Variants in ZNRF1 observed in about 807,000 individuals in gnomAD.
The protein encoded by ZNRF1 is E3 ubiquitin-protein ligase ZNRF1.
ZNRF1 carries 3 observed loss-of-function variants against 18.4 expected under a neutral mutation model. That is an observed-to-expected ratio of 0.16 (90% CI 0.07 to 0.42). The LOEUF (loss-of-function observed/expected upper bound fraction) is 0.42. Among genes scored for constraint, ZNRF1 ranks in the 10% least tolerant of loss-of-function variants. The probability of loss-of-function intolerance (pLI) is 0.99; values close to 1 mark genes in which losing one functional copy is unlikely to be tolerated. For synonymous variants in ZNRF1, 157 were observed against 144.2 expected, an observed-to-expected ratio of 1.09 and a Z score of -0.64; for missense variants, 310 against 329.8, an observed-to-expected ratio of 0.94 and a Z score of 0.47.
At chr16:75,080,210 C>G (rs2035992846) in intron 1 of ZNRF1, among the ~76,000 whole-genome samples, 1 of 152,242 alleles carries the variant, frequency 6.6e-6, no homozygotes, top group African/African-American at 2.4e-5. Flanking sequence ...GCCACCGTGC[C>G]TGGCTGAGCT....
chr16:75,058,394 A>G (rs2035695575), intron 1 of ZNRF1, among the ~76,000 whole-genome samples: 1 of 152,222 alleles, frequency 6.6e-6, no homozygotes, highest in Middle Eastern at 3.4e-3. Flanking sequence ...TGCAAGGAGC[A>G]CTCTAAGAAT....
chr16:75,032,467 C>T (rs9935832), intron 1 of ZNRF1, among the ~76,000 whole-genome samples: 48,776 of 151,880 alleles, frequency 0.32, 8,755 homozygotes, highest in East Asian at 0.62. Context: ...TATGCAAGTC[C>T]TTTGTCAATT....
chr16:75,101,356 C>G (rs1597911073), intron 2 of ZNRF1, among the ~76,000 whole-genome samples: 1 of 152,188 alleles, frequency 6.6e-6, no homozygotes, highest in East Asian at 1.9e-4. Flanking sequence ...GAGATCAAGA[C>G]CATCCTGGCT....
At chr16:75,017,610 C>G (rs138566759) in intron 1 of ZNRF1, among the ~76,000 whole-genome samples, 3 of 152,288 alleles carry the variant, frequency 2.0e-5, no homozygotes, top group East Asian at 3.9e-4. Context: ...GCCATGTGAT[C>G]TTAAAAGTGA....
intron 4 of ZNRF1, chr16:75,107,242 G>T: frequency 5.7e-6 from 1 of 174,844 alleles, no homozygotes; most frequent in Non-Finnish European, 1.2e-5. Flanking sequence ...ATCCACCCCT[G>T]ACCCCCATCT....
At chr16:75,078,597 C>T (rs2035972469) in intron 1 of ZNRF1, among the ~76,000 whole-genome samples, 1 of 152,186 alleles carries the variant, frequency 6.6e-6, no homozygotes, top group Admixed American at 6.5e-5. Context: ...CCACGCCTGG[C>T]CACACATTTC....
At chr16:75,025,696 C>T (rs2035213274) in intron 1 of ZNRF1, among the ~76,000 whole-genome samples, 1 of 152,226 alleles carries the variant, frequency 6.6e-6, no homozygotes, top group Non-Finnish European at 1.5e-5. Flanking sequence ...GCCCCACTTT[C>T]TCTTTCCCAG....
intron 1 of ZNRF1, among the ~76,000 whole-genome samples, chr16:75,062,720 G>A (rs934674979): frequency 6.6e-6 from 1 of 152,224 alleles, no homozygotes; most frequent in Non-Finnish European, 1.5e-5. Context: ...GGTGGGGCTG[G>A]TGCTTGCTAG....
intron 1 of ZNRF1, among the ~76,000 whole-genome samples, chr16:75,075,698 G>A (rs1052025434): frequency 6.6e-6 from 1 of 152,184 alleles, no homozygotes; most frequent in African/African-American, 2.4e-5. Flanking sequence ...GCCTTCAAGG[G>A]GCTTATACTG....
At chr16:75,011,883 G>A (rs1438180028) in intron 1 of ZNRF1, among the ~76,000 whole-genome samples, 1 of 152,144 alleles carries the variant, frequency 6.6e-6, no homozygotes, top group Non-Finnish European at 1.5e-5. Context: ...CTATGAAGTG[G>A]CAGACCTTTG....
chr16:75,102,021 C>T (rs537306424), intron 2 of ZNRF1, among the ~76,000 whole-genome samples: 1 of 152,172 alleles, frequency 6.6e-6, no homozygotes. Flanking sequence ...AGAAAATGAC[C>T]ACAAGTTGTC....
chr16:75,088,894 G>T (rs1158055274), intron 1 of ZNRF1, among the ~76,000 whole-genome samples: 2 of 152,204 alleles, frequency 1.3e-5, no homozygotes, highest in African/African-American at 4.8e-5. Context: ...TTGGTTTCCA[G>T]TTGGCAGTAT....
chr16:75,080,818 G>C (rs1174283585), intron 1 of ZNRF1, among the ~76,000 whole-genome samples: 1 of 152,104 alleles, frequency 6.6e-6, no homozygotes, highest in African/African-American at 2.4e-5. Flanking sequence ...AGGTTGCAAT[G>C]AGCCAAGATC....
At chr16:75,063,078 C>T (rs1425780580) in intron 1 of ZNRF1, among the ~76,000 whole-genome samples, 1 of 152,206 alleles carries the variant, frequency 6.6e-6, no homozygotes, top group Non-Finnish European at 1.5e-5. Flanking sequence ...AACTTAGAGG[C>T]ATAAGCCTCA....
At chr16:75,022,720 A>G (rs1445535133) in intron 1 of ZNRF1, among the ~76,000 whole-genome samples, 1 of 152,250 alleles carries the variant, frequency 6.6e-6, no homozygotes, top group Non-Finnish European at 1.5e-5. Context: ...GACTGCTGTC[A>G]TTGGAACATT....
intron 1 of ZNRF1, among the ~76,000 whole-genome samples, chr16:75,063,813 C>T (rs895917004): frequency 2.0e-5 from 3 of 152,086 alleles, no homozygotes; most frequent in African/African-American, 7.2e-5. Flanking sequence ...ACAGTGCAGT[C>T]GCTGCCTTTG....
At chr16:75,042,443 C>CTTTTTTTTT (rs56212046) in intron 1 of ZNRF1, among the ~76,000 whole-genome samples, 7 of 116,940 alleles carry the variant, frequency 6.0e-5, no homozygotes, top group African/African-American at 9.5e-5. Context: ...CTGTTTCTTT[C>CTTTTTTTTT]TTTTTTTTTT....
chr16:75,047,358 C>T (rs558330972), intron 1 of ZNRF1, among the ~76,000 whole-genome samples: 1 of 152,142 alleles, frequency 6.6e-6, no homozygotes, highest in East Asian at 1.9e-4. Flanking sequence ...TTTTTTGTAG[C>T]GATGGATTCT....
chr16:75,003,143 G>A (rs2034874767), intron 1 of ZNRF1, among the ~76,000 whole-genome samples: 1 of 152,278 alleles, frequency 6.6e-6, no homozygotes, highest in South Asian at 2.1e-4. Context: ...TTTGTTTTTT[G>A]TAGAGACGGG....
Sources: gnomAD v4.1 joint callset for allele counts (sites outside exome capture counted in the v4.1 genomes callset) on GRCh38, gnomAD v4.1.1 for gene constraint, MANE v1.5 for transcripts, NCBI Gene and HGNC (gene_info 2026-07-23, HGNC 2026-07-21) for gene names.